The following FSTL1 variants were observed in gnomAD, a reference collection of about 807,000 sequenced individuals.
FSTL1 encodes the protein follistatin like 1.
Under a neutral mutation model 45.9 loss-of-function variants are expected in FSTL1, and 24 were observed. That is an observed-to-expected ratio of 0.52 (90% CI 0.38 to 0.74). FSTL1 has a LOEUF of 0.74. FSTL1 is among the 30% of genes least tolerant of loss of function. FSTL1 has a pLI of 0.00. For synonymous variants in FSTL1, 120 were observed against 137.6 expected (o/e 0.87, Z 0.89); for missense variants, 340 against 381.8 (o/e 0.89, Z 0.91).
At chr3:120,411,142 G>A (rs545437272) in intron 4 of FSTL1, 158 bp from the exon 5 acceptor site, 83 of 575,066 alleles carry the variant, frequency 1.4e-4, no homozygotes, top group Middle Eastern at 4.9e-4. Flanking sequence ...TTCTTCTAGG[G>A]CCCAGGTATG....
At chr3:120,402,978 G>C (rs1179071572) in intron 8 of FSTL1, 60 bp from the exon 9 acceptor site, 5 of 1,087,586 alleles carry the variant, frequency 4.6e-6, no homozygotes, top group Non-Finnish European at 7.2e-6. Flanking sequence ...GGGCATCTTT[G>C]CTACAGTCTG....
intron 3 of FSTL1, among the ~76,000 whole-genome samples, chr3:120,415,609 A>G (rs748521308): frequency 6.6e-6 from 1 of 152,244 alleles, no homozygotes; most frequent in Non-Finnish European, 1.5e-5. Flanking sequence ...TGGTTACTTC[A>G]GACTAAGGGA....
In FSTL1 at chr3:120,413,147, G is replaced by A. The variant is rs930693328; in HGVS notation, c.169-1164C>T. Among the ~76,000 whole-genome samples the A allele has an allele frequency of 2.4e-4, 37 of 152,162 alleles. 1 individual carries two copies. The highest frequency in any genetic ancestry group is 5.4e-4 in the Non-Finnish European group (37 of 68,032). ...TATGGTTTTTAAAGGGGAGAAGCAGGAAGTAAATTTAGCTCAGATCCAATA... is the reference window on the plus strand; with the variant it reads ...TATGGTTTTTAAAGGGGAGAAGCAGAAAGTAAATTTAGCTCAGATCCAATA... On this transcript the variant is annotated intron_variant, in intron 3 of 10. Transcript: ENST00000295633.
intron 2 of FSTL1, among the ~76,000 whole-genome samples, chr3:120,437,627 GCA>G (rs111980425): frequency 6.7e-6 from 1 of 149,628 alleles, no homozygotes; most frequent in Non-Finnish European, 1.5e-5. Flanking sequence ...ACATATCCAT[GCA>G]CACACACACA....
At chr3:120,450,645 C>A (rs779930753) in intron 2 of FSTL1, 39 bp downstream of exon 2, 1 of 1,459,674 alleles carries the variant, frequency 6.9e-7, no homozygotes, top group Non-Finnish European at 9.2e-7. Context: ...CCCAAGAGGC[C>A]CCGGGGACCG....
intron 2 of FSTL1, among the ~76,000 whole-genome samples, chr3:120,432,927 C>A (rs1411659418): frequency 6.6e-6 from 1 of 152,166 alleles, no homozygotes; most frequent in Non-Finnish European, 1.5e-5. Flanking sequence ...ATGTGCAAAT[C>A]CAGTGACACT....
intron 2 of FSTL1, among the ~76,000 whole-genome samples, chr3:120,425,649 C>T (rs1169861148): frequency 6.6e-6 from 1 of 152,216 alleles, no homozygotes; most frequent in African/African-American, 2.4e-5. Flanking sequence ...GAATTTACCA[C>T]TTCAGATGTT....
intron 2 of FSTL1, among the ~76,000 whole-genome samples, chr3:120,442,677 G>A (rs896273405): frequency 6.6e-6 from 1 of 151,686 alleles, no homozygotes; most frequent in Non-Finnish European, 1.5e-5. Flanking sequence ...CTACTCAGGA[G>A]GCTGAGGCAG....
At chr3:120,418,054 C>T (rs1352170862) in intron 2 of FSTL1, among the ~76,000 whole-genome samples, 1 of 152,206 alleles carries the variant, frequency 6.6e-6, no homozygotes, top group African/African-American at 2.4e-5. Flanking sequence ...CTCCTTTTAA[C>T]TTACATTGTT....
intron 5 of FSTL1, chr3:120,410,504 G>GT (rs1008323030): frequency 3.2e-6 from 1 of 312,618 alleles, no homozygotes; most frequent in African/African-American, 2.2e-5. Context: ...AGGAAAGTAT[G>GT]TGCAAAAAAG....
At chr3:120,398,827 C>G (rs1035156582) in intron 10 of FSTL1, among the ~76,000 whole-genome samples, 1 of 152,134 alleles carries the variant, frequency 6.6e-6, no homozygotes, top group Non-Finnish European at 1.5e-5. Context: ...ATATTCTAGA[C>G]GAAAGTAATT....
chr3:120,428,218 CTG>C (rs1265281921), intron 2 of FSTL1, among the ~76,000 whole-genome samples: 9 of 152,214 alleles, frequency 5.9e-5, no homozygotes, highest in African/African-American at 2.2e-4. Flanking sequence ...CTGGAATACA[CTG>C]AAACACGAGT....
In FSTL1 at chr3:120,396,674, C is replaced by G. The variant is rs541276763; in HGVS notation, c.*278G>C. The G allele has an allele frequency of 6.1e-5, 26 of 424,160 alleles. No homozygotes were observed. The East Asian group carries it at 6.9e-4, about 11-fold the overall frequency. 26.3% of individuals were successfully genotyped at this position (424,160 alleles called of 1,614,324 possible). On this transcript the variant is annotated 3_prime_UTR_variant, in exon 11 of 11. Coordinates refer to ENST00000295633, the MANE Select transcript of FSTL1 (RefSeq NM_007085.5). Reference sequence around the variant, plus strand: ...AAGAGGTTCAGATTTGGGTCTGTTCCTCTTTCAATCGTGATGCAGTTTCCT... The same window carrying G: ...AAGAGGTTCAGATTTGGGTCTGTTCGTCTTTCAATCGTGATGCAGTTTCCT...
chr3:120,398,189 T>C (rs1936741538), intron 10 of FSTL1, among the ~76,000 whole-genome samples: 1 of 152,184 alleles, frequency 6.6e-6, no homozygotes, highest in African/African-American at 2.4e-5. Context: ...TGATTGACAA[T>C]CTTAGGAATA....
At chr3:120,411,032 G>T (rs555588487) in intron 4 of FSTL1, 48 bp from the exon 5 acceptor site, 2 of 1,467,200 alleles carry the variant, frequency 1.4e-6, no homozygotes. Flanking sequence ...AAGGAAAAAA[G>T]AAAATTTTTC....
chr3:120,447,522 C>A (rs1300875607), intron 2 of FSTL1, among the ~76,000 whole-genome samples: 3 of 152,120 alleles, frequency 2.0e-5, no homozygotes, highest in East Asian at 3.9e-4. Context: ...GTATATGCTG[C>A]AGACAGAGTA....
At position 120,415,122 on chromosome 3, in the gene FSTL1, CAA is replaced by C. The variant is rs36113603; in HGVS notation, c.168+799_168+800del. Among the ~76,000 whole-genome samples the C allele has an allele frequency of 5.1e-3, 620 of 122,216 alleles. 3 individuals are homozygous for C. Among genetic ancestry groups the C allele is most frequent in the African/African-American group, 0.016 (563 of 36,064 alleles). 80.2% of individuals were successfully genotyped at this position (122,216 alleles called of 152,430 possible). On this transcript the variant is annotated intron_variant, in intron 3 of 10. Transcript: ENST00000295633. The stretch of plus-strand genomic sequence containing the variant: ...TAAATACATATTCATGTTTGTTTTT[CAA>C]AAAAAAAAAAACATTAAAAAAAAAA...
At chr3:120,429,073 T>C (rs1330065602) in intron 2 of FSTL1, among the ~76,000 whole-genome samples, 1 of 152,208 alleles carries the variant, frequency 6.6e-6, no homozygotes, top group African/African-American at 2.4e-5. Flanking sequence ...GCCAGTGGTG[T>C]TCATCATGCT....
intron 10 of FSTL1, among the ~76,000 whole-genome samples, chr3:120,398,181 A>G (rs925014588): frequency 6.6e-6 from 1 of 152,186 alleles, no homozygotes; most frequent in African/African-American, 2.4e-5. Flanking sequence ...TAGTGAGATG[A>G]TTGACAATCT....
Sources: gnomAD v4.1 joint callset for allele counts (sites outside exome capture counted in the v4.1 genomes callset) on GRCh38, gnomAD v4.1.1 for gene constraint, MANE v1.5 for transcripts, NCBI Gene and HGNC (gene_info 2026-07-23, HGNC 2026-07-21) for gene names.